Variants in ERI1 observed in about 807,000 individuals in gnomAD.
ERI1 encodes 3'-5' exoribonuclease 1.
Under a neutral mutation model 39.7 loss-of-function variants are expected in ERI1, and 39 were observed. That is an observed-to-expected ratio of 0.98 (90% CI 0.76 to 1.28). ERI1 has a LOEUF of 1.28. ERI1 is among the 50% of genes most tolerant of loss of function. The pLI, the probability that ERI1 is intolerant of heterozygous loss-of-function variation, is 0.00. For missense variants in ERI1, 581 were observed against 416.9 expected (o/e 1.39, Z -3.43); for synonymous variants, 204 against 149.6 (o/e 1.36, Z -2.65).
At chr8:9,074,769 G>C (rs959081230) in intron 3 of ERI1, among the ~76,000 whole-genome samples, 2 of 152,148 alleles carry the variant, frequency 1.3e-5, no homozygotes, top group African/African-American at 4.8e-5. Context: ...CATTTATATG[G>C]GAACTTCCTG....
Position 9,058,866 on chromosome 8 carries a change from T to TAAAG in ERI1, n.299+38405_299+38406insGAAA, listed in dbSNP as rs991483571. On this transcript the variant is annotated intron_variant and non_coding_transcript_variant, in intron 3 of 3. Coordinates refer to the ERI1 transcript ENST00000518663. ...ATAAATAAATAAATAAATAAATAAA[T>TAAAG]AAATCTTTTATCTTTGGCCTTTTTA... Among the ~76,000 whole-genome samples the TAAAG allele has an allele frequency of 1.2e-4, 17 of 147,126 alleles. 1 individual carries two copies. Among genetic ancestry groups the TAAAG allele is most frequent in the South Asian group, 6.4e-4 (3 of 4,670 alleles).
rs919037694 is a variant in ERI1, at chr8:9,030,857, T to C, written c.*823T>C. 3 of 152,184 alleles carry C rather than the reference T, an allele frequency of 2.0e-5. No homozygotes were observed. The highest frequency in any genetic ancestry group is 4.8e-5 in the African/African-American group (2 of 41,450). 9.4% of individuals were successfully genotyped at this position (152,184 alleles called of 1,614,324 possible). On this transcript the variant is annotated 3_prime_UTR_variant, in exon 7 of 7. Transcript: ENST00000250263. ...TAAGGGTCACCACCTAATTTTACTT[T>C]GTATTCAGTATCGTAAGTGAGGTTA...
intron 3 of ERI1, among the ~76,000 whole-genome samples, chr8:9,075,391 C>G (rs1417610701): frequency 6.6e-6 from 1 of 151,746 alleles, no homozygotes; most frequent in East Asian, 1.9e-4. Context: ...GAGAGATTAC[C>G]GAGGAGTTTG....
chr8:9,057,478 G>C (rs1040237187), intron 3 of ERI1, among the ~76,000 whole-genome samples: 3 of 152,032 alleles, frequency 2.0e-5, no homozygotes, highest in Admixed American at 6.6e-5. Flanking sequence ...TCACTTTTGC[G>C]GTCCAAGTTT....
intron 6 of ERI1, among the ~76,000 whole-genome samples, chr8:9,023,955 C>A (rs543221982): frequency 3.3e-5 from 5 of 151,832 alleles, no homozygotes; most frequent in African/African-American, 4.8e-5. Flanking sequence ...TGTGCCACCA[C>A]GTCTGGCTGA....
chr8:9,050,283 G>A (rs1016606184), intron 3 of ERI1, among the ~76,000 whole-genome samples: 4 of 152,094 alleles, frequency 2.6e-5, no homozygotes, highest in South Asian at 2.1e-4. Context: ...AGGGGCTGGT[G>A]GATCACTTGA....
At chr8:9,057,736 T>A (rs373932188) in intron 3 of ERI1, among the ~76,000 whole-genome samples, 23 of 152,260 alleles carry the variant, frequency 1.5e-4, no homozygotes, top group African/African-American at 4.6e-4. Context: ...AAAATGAGCA[T>A]CAAGGGTAGG....
chr8:9,027,240 AATG>A (rs1309793988), intron 6 of ERI1, among the ~76,000 whole-genome samples: 2 of 151,120 alleles, frequency 1.3e-5, no homozygotes, highest in African/African-American at 4.9e-5. Flanking sequence ...GTATTTCCCT[AATG>A]ATTAGTGATG....
intron 3 of ERI1, among the ~76,000 whole-genome samples, chr8:9,015,372 T>C (rs1289053146): frequency 6.6e-6 from 1 of 152,168 alleles, no homozygotes; most frequent in African/African-American, 2.4e-5. Flanking sequence ...TTGTCCTTAA[T>C]CTCAAAATTG....
chr8:9,060,230 A>G (rs1798647487), intron 3 of ERI1, among the ~76,000 whole-genome samples: 1 of 152,178 alleles, frequency 6.6e-6, no homozygotes, highest in Non-Finnish European at 1.5e-5. Context: ...AGAGGTGGGA[A>G]GGCCAAACCG....
intron 5 of ERI1, among the ~76,000 whole-genome samples, chr8:9,018,629 T>G (rs1017259841): frequency 3.9e-5 from 6 of 152,190 alleles, no homozygotes; most frequent in African/African-American, 1.2e-4. Flanking sequence ...TAAAAATATG[T>G]AAAGCTAAAA....
intron 3 of ERI1, among the ~76,000 whole-genome samples, chr8:9,082,160 A>C (rs2117453711): frequency 6.6e-6 from 1 of 152,352 alleles, no homozygotes; most frequent in East Asian, 1.9e-4. Context: ...CCATCAGGTG[A>C]GGTCCACTAT....
chr8:9,006,713 G>T (rs1048257222), intron 1 of ERI1, among the ~76,000 whole-genome samples: 3 of 152,058 alleles, frequency 2.0e-5, no homozygotes, highest in Admixed American at 6.5e-5. Flanking sequence ...AGGAACCTCA[G>T]TGTGGCTGTT....
chr8:9,009,504 A>G (rs752343373), intron 2 of ERI1, among the ~76,000 whole-genome samples: 12 of 152,098 alleles, frequency 7.9e-5, no homozygotes, highest in Non-Finnish European at 1.8e-4. Flanking sequence ...TGTGCAACCA[A>G]AGTTATAGGA....
At chr8:9,070,737 T>G (rs2117424894) in intron 3 of ERI1, among the ~76,000 whole-genome samples, 1 of 152,362 alleles carries the variant, frequency 6.6e-6, no homozygotes, top group South Asian at 2.1e-4. Flanking sequence ...TCTGAAAGAA[T>G]CTGGTTCAAG....
At chr8:9,070,541 C>G (rs1200710706) in intron 3 of ERI1, among the ~76,000 whole-genome samples, 3 of 152,152 alleles carry the variant, frequency 2.0e-5, no homozygotes, top group Non-Finnish European at 4.4e-5. Context: ...GATACATTGG[C>G]AGGTTCAGAA....
At chr8:9,015,721 C>CA (rs1817176255) in intron 3 of ERI1, among the ~76,000 whole-genome samples, 1 of 27,826 alleles carries the variant, frequency 3.6e-5, no homozygotes. Context: ...GACTCTGTCT[C>CA]CAAAAAAAAA....
intron 5 of ERI1, among the ~76,000 whole-genome samples, chr8:9,018,746 TTAATC>T (rs1817571168): frequency 6.6e-6 from 1 of 152,222 alleles, no homozygotes; most frequent in African/African-American, 2.4e-5. Flanking sequence ...CGCTACCTGT[TTAATC>T]TAATTCACCT....
chr8:9,070,864 T>G (rs911202083), intron 3 of ERI1, among the ~76,000 whole-genome samples: 15 of 152,222 alleles, frequency 9.9e-5, no homozygotes, highest in Non-Finnish European at 1.5e-4. Flanking sequence ...TCAGCATTTT[T>G]GCAGCCCATG....
Sources: allele counts gnomAD v4.1 joint callset (sites outside exome capture counted in the v4.1 genomes callset), GRCh38; gene constraint gnomAD v4.1.1; transcripts MANE v1.5; gene names NCBI Gene and HGNC (gene_info 2026-07-23, HGNC 2026-07-21).